Variants in C2orf80 observed in about 807,000 individuals in gnomAD.
The protein encoded by C2orf80 is uncharacterized protein C2orf80.
C2orf80 carries 28 observed loss-of-function variants against 30.2 expected under a neutral mutation model. That is an observed-to-expected ratio of 0.93 (90% CI 0.69 to 1.27). The LOEUF is 1.27. Among genes scored for constraint, C2orf80 ranks in the 50% most tolerant of loss-of-function variants. The probability of loss-of-function intolerance (pLI) is 0.00; values close to 1 mark genes in which losing one functional copy is unlikely to be tolerated. For missense variants in C2orf80, 220 were observed against 231.0 expected (o/e 0.95, Z 0.31); for synonymous variants, 80 against 76.4 (o/e 1.05, Z -0.24).
intron 6 of C2orf80, among the ~76,000 whole-genome samples, chr2:208,173,855 GT>G (rs1696192812): frequency 6.6e-6 from 1 of 152,066 alleles, no homozygotes; most frequent in South Asian, 2.1e-4. Flanking sequence ...ACTTGGATTT[GT>G]TTGTTTGCTT....
At chr2:208,180,050 G>A (rs554428281) in intron 6 of C2orf80, among the ~76,000 whole-genome samples, 143 of 151,590 alleles carry the variant, frequency 9.4e-4, no homozygotes, top group African/African-American at 3.3e-3. Context: ...AATGAGCCTT[G>A]TGGATCTTGT....
chr2:208,169,322 ATTG>A (rs1409858133), intron 8 of C2orf80, among the ~76,000 whole-genome samples: 3 of 123,396 alleles, frequency 2.4e-5, no homozygotes, highest in Non-Finnish European at 3.5e-5. Flanking sequence ...CTGTTTTTTC[ATTG>A]TTGTTTTGTT....
chr2:208,186,362 T>G (rs1574376698), intron 2 of C2orf80, among the ~76,000 whole-genome samples: 1 of 152,360 alleles, frequency 6.6e-6, no homozygotes, highest in East Asian at 1.9e-4. Context: ...ACATAATCTT[T>G]CTTTTTTCTT....
chr2:208,176,973 ATATACAGAAATGTATATG>A (rs1696360499), intron 6 of C2orf80, among the ~76,000 whole-genome samples: 1 of 92,240 alleles, frequency 1.1e-5, no homozygotes, highest in African/African-American at 3.9e-5. Flanking sequence ...ATGTATACAT[ATATACAGAAATGTATATG>A]TATACATATA....
intron 3 of C2orf80, 32 bp from the exon 4 acceptor site, chr2:208,183,079 C>T (rs1696610762): frequency 1.3e-6 from 2 of 1,584,960 alleles, no homozygotes; most frequent in Admixed American, 1.7e-5. Flanking sequence ...AGCAAAGAAA[C>T]AGGCTTAGAC....
rs1696579577 is a variant in C2orf80, at chr2:208,182,098, C to T, written c.207-793G>A. On this transcript the variant is annotated intron_variant, in intron 4 of 8. Transcript: ENST00000341287. ...AACTCTCTAGGATCAGGTGTGTAGTCCAGAGCCATTGAGTAGAAAAAAAAT... is the reference window on the plus strand; with the variant it reads ...AACTCTCTAGGATCAGGTGTGTAGTTCAGAGCCATTGAGTAGAAAAAAAAT... 3.9e-5 allele frequency among the ~76,000 whole-genome samples: 6 copies of T among 152,066 alleles called. No individual in the cohort carries two copies. The South Asian group carries it at 1.2e-3, about 31-fold the overall frequency.
At chr2:208,177,556 C>T (rs1262574023) in intron 6 of C2orf80, among the ~76,000 whole-genome samples, 1 of 151,758 alleles carries the variant, frequency 6.6e-6, no homozygotes, top group Admixed American at 6.6e-5. Context: ...AAAAAACAAA[C>T]AAACAAACAA....
intron 8 of C2orf80, among the ~76,000 whole-genome samples, chr2:208,167,180 C>A (rs1390956520): frequency 6.6e-6 from 1 of 151,936 alleles, no homozygotes; most frequent in African/African-American, 2.4e-5. Context: ...AGTAATGTGC[C>A]CACTACTGAC....
chr2:208,172,169 G>C (rs1025066143), intron 6 of C2orf80, 94 bp from the exon 7 acceptor site: 2 of 941,198 alleles, frequency 2.1e-6, no homozygotes, highest in African/African-American at 3.2e-5. Context: ...AATCAACTCA[G>C]AATCCTTGAG....
chr2:208,185,946 A>G (rs1462468158), intron 2 of C2orf80, among the ~76,000 whole-genome samples: 1 of 152,188 alleles, frequency 6.6e-6, no homozygotes, highest in Non-Finnish European at 1.5e-5. Context: ...GTTCTTTACT[A>G]TTCTATTGGC....
At chr2:208,174,516 C>T (rs1241789854) in intron 6 of C2orf80, among the ~76,000 whole-genome samples, 1 of 152,126 alleles carries the variant, frequency 6.6e-6, no homozygotes, top group Admixed American at 6.6e-5. Flanking sequence ...TATGGAAGGT[C>T]CCCTGGTGCC....
intron 6 of C2orf80, among the ~76,000 whole-genome samples, chr2:208,177,848 CAG>C (rs1481100960): frequency 1.3e-5 from 2 of 150,698 alleles, no homozygotes; most frequent in Admixed American, 1.3e-4. Context: ...TTTTTTGAGA[CAG>C]AGTTTTGCTC....
At chr2:208,177,021 A>G (rs963179884) in intron 6 of C2orf80, among the ~76,000 whole-genome samples, 1 of 74,344 alleles carries the variant, frequency 1.3e-5, no homozygotes, top group African/African-American at 4.7e-5. Flanking sequence ...ACAGATACAT[A>G]TATACAGATA....
chr2:208,189,765 T>C (rs939808582), intron 1 of C2orf80, 188 bp downstream of exon 1: 14 of 604,128 alleles, frequency 2.3e-5, no homozygotes, highest in Non-Finnish European at 4.1e-5. Flanking sequence ...TCTCAGGCTT[T>C]AGCTGTTTCA....
Position 208,181,285 on chromosome 2 carries a change from C to T in C2orf80, c.227G>A (p.Arg76Lys). The change falls in exon 5 of 9, where the codon AGA becomes AAA. Residue 76 changes from arginine (R) to lysine (K), a missense_variant. Transcript: ENST00000341287. ...WEELKIPLHG[R>K]PIYPNRRERE... ...TTCTCTACGATTTGGATATATGGGT[C>T]TGCCATGGAGTGGTATTTTCCTAAT... 1 of 1,609,660 alleles carries T rather than the reference C, an allele frequency of 6.2e-7. No homozygotes were observed. The highest frequency in any genetic ancestry group is 8.5e-7 in the Non-Finnish European group (1 of 1,176,138).
intron 6 of C2orf80, among the ~76,000 whole-genome samples, chr2:208,172,920 C>G (rs1041287994): frequency 1.3e-5 from 2 of 151,644 alleles, no homozygotes; most frequent in East Asian, 3.9e-4. Context: ...AGTTCAAGAC[C>G]AGCCTGGCCA....
At chr2:208,172,800 C>T (rs537210506) in intron 6 of C2orf80, among the ~76,000 whole-genome samples, 18 of 152,226 alleles carry the variant, frequency 1.2e-4, no homozygotes, top group African/African-American at 4.1e-4. Context: ...ACTCTTTTGC[C>T]GTGCAATGCT....
chr2:208,186,881 T>C (rs1696733618), intron 2 of C2orf80, 65 bp downstream of exon 2: 2 of 1,408,708 alleles, frequency 1.4e-6, no homozygotes, highest in African/African-American at 1.4e-5. Context: ...ACCCAAGCCA[T>C]CTATGACATG....
At chr2:208,176,936 CATATCTGTAT>C (rs1235111522) in intron 6 of C2orf80, among the ~76,000 whole-genome samples, 1 of 80,398 alleles carries the variant, frequency 1.2e-5, no homozygotes, top group Non-Finnish European at 2.8e-5. Flanking sequence ...CATATGTATA[CATATCTGTAT>C]ACATATCTGT....
Sources: allele counts gnomAD v4.1 joint callset (sites outside exome capture counted in the v4.1 genomes callset), GRCh38; gene constraint gnomAD v4.1.1; transcripts MANE v1.5; gene names NCBI Gene and HGNC (gene_info 2026-07-23, HGNC 2026-07-21).